Variants in SLC29A3 observed in about 807,000 individuals in gnomAD.
The protein encoded by SLC29A3 is solute carrier family 29 member 3.
SLC29A3 carries 18 observed loss-of-function variants against 25.4 expected under a neutral mutation model. The observed-to-expected ratio is 0.71, with a 90% confidence interval of 0.49 to 1.05. The LOEUF (loss-of-function observed/expected upper bound fraction) is 1.05. SLC29A3 is among the 50% of genes least tolerant of loss of function. The pLI, the probability that SLC29A3 is intolerant of heterozygous loss-of-function variation, is 0.00. For missense variants in SLC29A3, 586 were observed against 609.0 expected (o/e 0.96, Z 0.40); for synonymous variants, 258 against 267.1 (o/e 0.97, Z 0.33).
chr10:71,320,784 G>A (rs1845830701), intron 1 of SLC29A3, among the ~76,000 whole-genome samples: 1 of 152,218 alleles, frequency 6.6e-6, no homozygotes, highest in Non-Finnish European at 1.5e-5. Flanking sequence ...CGTTCATTCA[G>A]CAAACATTGA....
intron 5 of SLC29A3, among the ~76,000 whole-genome samples, chr10:71,356,633 T>C (rs1846920906): frequency 6.6e-6 from 1 of 151,748 alleles, no homozygotes. Flanking sequence ...CAAGACCCAT[T>C]CTGGGCAACA....
At chr10:71,325,789 G>T (rs1480088142) in intron 2 of SLC29A3, among the ~76,000 whole-genome samples, 1 of 152,108 alleles carries the variant, frequency 6.6e-6, no homozygotes, top group East Asian at 1.9e-4. Context: ...GGCCAATTGA[G>T]ACAGGGCCTT....
At chr10:71,371,001 G>A (rs1269400747) in intron 3 of SLC29A3, among the ~76,000 whole-genome samples, 1 of 151,542 alleles carries the variant, frequency 6.6e-6, no homozygotes, top group East Asian at 1.9e-4. Flanking sequence ...GGCTGGTCTC[G>A]AACTCCTGAG....
Position 71,362,483 on chromosome 10 carries a change from C to T in SLC29A3, c.1303C>T (p.Leu435Phe), listed in dbSNP as rs779869815. Reference sequence around the variant, plus strand: ...CGGCTACCTCAGCACCCTGGCCCTCCTCTACGGGCCTAAGATTGTGCCCAG... The same window carrying T: ...CGGCTACCTCAGCACCCTGGCCCTCTTCTACGGGCCTAAGATTGTGCCCAG... The part of the protein sequence containing the change: ...SNGYLSTLAL[L>F]YGPKIVPREL... Residue 435 changes from leucine to phenylalanine, a missense_variant, in exon 6 of 6, where the codon CTC (leucine) becomes TTC (phenylalanine). Physicochemically the swap from Leu to Phe is conservative, Grantham distance 22 (BLOSUM62 0). Coordinates refer to ENST00000373189, the MANE Select transcript of SLC29A3 (RefSeq NM_018344.6). 6.2e-7 allele frequency: 1 copy of T among 1,614,218 alleles called. No homozygotes were observed. The highest frequency in any genetic ancestry group is 8.5e-7 in the Non-Finnish European group (1 of 1,180,046).
At chr10:71,372,635 G>A (rs921470342) in intron 3 of SLC29A3, among the ~76,000 whole-genome samples, 2 of 152,162 alleles carry the variant, frequency 1.3e-5, no homozygotes, top group Non-Finnish European at 1.5e-5. Context: ...CACCTGGCCC[G>A]GGGAGAGAAA....
chr10:71,355,309 C>T (rs1846872651), intron 4 of SLC29A3, among the ~76,000 whole-genome samples: 1 of 152,204 alleles, frequency 6.6e-6, no homozygotes, highest in Non-Finnish European at 1.5e-5. Flanking sequence ...CGTGTGGCCT[C>T]CTCTGTTAGG....
intron 3 of SLC29A3, among the ~76,000 whole-genome samples, chr10:71,351,234 C>G (rs2131838497): frequency 6.6e-6 from 1 of 152,322 alleles, no homozygotes; most frequent in Non-Finnish European, 1.5e-5. Flanking sequence ...AGGTGAAAAG[C>G]AGCAGAACCC....
At chr10:71,329,770 A>G (rs1296306301) in intron 2 of SLC29A3, among the ~76,000 whole-genome samples, 1 of 152,234 alleles carries the variant, frequency 6.6e-6, no homozygotes, top group African/African-American at 2.4e-5. Context: ...GTTACCACAT[A>G]GGGAGAAAAA....
In SLC29A3 at chr10:71,323,051, C is replaced by G. The variant is rs1307686188; in HGVS notation, c.297C>G (p.Ile99Met). The G allele has an allele frequency of 6.2e-7, 1 of 1,612,824 alleles. No individual in the cohort carries two copies. ...GGGAGGACCCTGAGGGCTCAGACAT[C>G]CTGGTAAGGGCATGTTTCTCCTGCA... ...ATGEDPEGSD[I>M]LNYFESYLAV... The change falls in exon 2 of 6, where the codon ATC becomes ATG. Residue 99 changes from isoleucine to methionine, a missense_variant. Physicochemically the swap from Ile to Met is conservative, Grantham distance 10. Coordinates refer to ENST00000373189, the MANE Select transcript of SLC29A3 (RefSeq NM_018344.6).
chr10:71,326,445 A>AGCCG (rs1272462147), intron 2 of SLC29A3, among the ~76,000 whole-genome samples: 1 of 152,238 alleles, frequency 6.6e-6, no homozygotes, highest in Non-Finnish European at 1.5e-5. Flanking sequence ...GCGCAGGCTT[A>AGCCG]GCCGGGGTGC....
intron 4 of SLC29A3, among the ~76,000 whole-genome samples, chr10:71,377,389 G>A (rs1282365245): frequency 6.6e-6 from 1 of 152,258 alleles, no homozygotes; most frequent in East Asian, 1.9e-4. Context: ...GCCGCGCTCA[G>A]CTCGGCCAGA....
chr10:71,319,596 GGCCCGAA>G, intron 1 of SLC29A3: 1 of 369,656 alleles, frequency 2.7e-6, no homozygotes, highest in East Asian at 4.0e-5. Flanking sequence ...TGGACCCGTC[GGCCCGAA>G]GTATCCAGAC....
At chr10:71,337,271 A>G (rs1415092230) in intron 2 of SLC29A3, among the ~76,000 whole-genome samples, 2 of 151,954 alleles carry the variant, frequency 1.3e-5, no homozygotes, top group African/African-American at 4.8e-5. Context: ...TACCAGCCCC[A>G]CCCCTTATGG....
intron 4 of SLC29A3, among the ~76,000 whole-genome samples, chr10:71,378,298 G>A (rs1021685228): frequency 6.6e-6 from 1 of 152,160 alleles, no homozygotes; most frequent in Non-Finnish European, 1.5e-5. Flanking sequence ...CCTTCAGTCA[G>A]ATGTCAAACT....
intron 2 of SLC29A3, among the ~76,000 whole-genome samples, chr10:71,332,534 A>C (rs1322860673): frequency 6.6e-6 from 1 of 152,174 alleles, no homozygotes; most frequent in Non-Finnish European, 1.5e-5. Flanking sequence ...AAGTGTATTA[A>C]AGTGGGATTT....
At chr10:71,365,701 G>C (rs528725725), downstream of SLC29A3, 1 of 152,084 alleles carries the variant, frequency 6.6e-6, no homozygotes, top group Non-Finnish European at 1.5e-5. Context: ...CCAGGCAGAA[G>C]GGTGGATGGG....
chr10:71,378,409 G>A (rs920381227), intron 4 of SLC29A3, among the ~76,000 whole-genome samples: 1 of 152,146 alleles, frequency 6.6e-6, no homozygotes, highest in African/African-American at 2.4e-5. Context: ...GGCCATAGGA[G>A]CGATTTTAGC....
rs139857136 is a variant in SLC29A3 at position 71,356,080 on chromosome 10, G to T, written c.611-1G>T. 4.3e-5 allele frequency: 69 copies of T among 1,613,786 alleles called. No homozygotes were observed. Among genetic ancestry groups the T allele is most frequent in the Non-Finnish European group, 5.5e-5 (65 of 1,180,052 alleles). ...CTCTGCGTGTCCTCTGTTCTCTGCA[G>T]GAGGAGCCATGGGCGGGACGGTCAG... On this transcript the variant is annotated splice_acceptor_variant, in intron 4 of 5. Coordinates refer to ENST00000373189, the MANE Select transcript of SLC29A3 (RefSeq NM_018344.6). LOFTEE classifies it high-confidence loss of function.
chr10:71,361,804 G>T, intron 5 of SLC29A3, 150 bp from the exon 6 acceptor site: 1 of 911,626 alleles, frequency 1.1e-6, no homozygotes, highest in Non-Finnish European at 1.7e-6. Flanking sequence ...GACAGCATCT[G>T]TCATCTCAGG....
Sources: gnomAD v4.1 joint callset for allele counts (sites outside exome capture counted in the v4.1 genomes callset) on GRCh38, gnomAD v4.1.1 for gene constraint, MANE v1.5 for transcripts, NCBI Gene and HGNC (gene_info 2026-07-23, HGNC 2026-07-21) for gene names.